The following KCNIP4 variants were observed in gnomAD, a reference collection of about 807,000 sequenced individuals.
The protein encoded by KCNIP4 is Kv channel-interacting protein 4.
A neutral mutation model predicts 34.0 loss-of-function variants in KCNIP4; 12 were observed. The observed-to-expected ratio is 0.35, with a 90% CI of 0.23 to 0.57. The LOEUF is 0.57. KCNIP4 is among the 20% of genes least tolerant of loss of function. The probability of loss-of-function intolerance (pLI) is 0.83; values close to 1 mark genes in which losing one functional copy is unlikely to be tolerated. For synonymous variants in KCNIP4, 124 were observed against 102.2 expected (o/e 1.21, Z -1.29); for missense variants, 238 against 311.7 (o/e 0.76, Z 1.78).
chr4:21,843,850 T>C (rs1723843343), intron 1 of KCNIP4: 1 of 152,128 alleles, frequency 6.6e-6, no homozygotes, highest in Admixed American at 6.6e-5. Context: ...GTAAGTTTTA[T>C]ATTTTATTAC....
intron 1 of KCNIP4, among the ~76,000 whole-genome samples, chr4:21,107,505 G>T (rs368832261): frequency 1.3e-5 from 2 of 150,880 alleles, no homozygotes; most frequent in South Asian, 2.1e-4. Context: ...CTGCACATGA[G>T]ATGGGTTTCC....
At chr4:21,389,631 T>C (rs949922963) in intron 1 of KCNIP4, among the ~76,000 whole-genome samples, 6 of 151,962 alleles carry the variant, frequency 3.9e-5, no homozygotes, top group African/African-American at 1.4e-4. Flanking sequence ...GGCCATGAAC[T>C]CATCCTTTTT....
intron 1 of KCNIP4, among the ~76,000 whole-genome samples, chr4:21,051,496 T>C (rs1353671544): frequency 6.6e-6 from 1 of 152,178 alleles, no homozygotes; most frequent in Non-Finnish European, 1.5e-5. Context: ...GGATTCATAT[T>C]GTAAAAAGAA....
intron 1 of KCNIP4, among the ~76,000 whole-genome samples, chr4:21,213,981 C>A (rs1194259088): frequency 6.6e-6 from 1 of 152,136 alleles, no homozygotes; most frequent in Non-Finnish European, 1.5e-5. Flanking sequence ...TTACAAAGAC[C>A]TGGATTTGAA....
intron 1 of KCNIP4, among the ~76,000 whole-genome samples, chr4:21,862,245 A>G (rs561214602): frequency 8.1e-4 from 123 of 152,278 alleles, no homozygotes; most frequent in African/African-American, 2.8e-3. Context: ...TCTAGTTAGC[A>G]TGCTTAGTGT....
chr4:21,221,259 C>A (rs1757962296), intron 1 of KCNIP4, among the ~76,000 whole-genome samples: 3 of 152,098 alleles, frequency 2.0e-5, no homozygotes. Flanking sequence ...TAGCATAATG[C>A]CTGTTACATA....
intron 1 of KCNIP4, among the ~76,000 whole-genome samples, chr4:21,561,062 G>C (rs996488250): frequency 6.6e-6 from 1 of 152,018 alleles, no homozygotes; most frequent in Non-Finnish European, 1.5e-5. Flanking sequence ...ATTAAATTGC[G>C]TGGGGAAAAA....
chr4:21,333,040 G>A (rs1715812005), intron 1 of KCNIP4, among the ~76,000 whole-genome samples: 1 of 151,970 alleles, frequency 6.6e-6, no homozygotes, highest in South Asian at 2.1e-4. Flanking sequence ...TTTCCCTGAA[G>A]TCCTTTCATT....
chr4:21,013,623 A>G (rs188044916), intron 1 of KCNIP4, among the ~76,000 whole-genome samples: 1 of 152,168 alleles, frequency 6.6e-6, no homozygotes, highest in Admixed American at 6.5e-5. Flanking sequence ...CCTCAAAGGA[A>G]TGTTCATTTC....
chr4:21,629,645 G>A (rs974688102), intron 1 of KCNIP4, among the ~76,000 whole-genome samples: 2 of 152,078 alleles, frequency 1.3e-5, no homozygotes, highest in Non-Finnish European at 2.9e-5. Context: ...TCACCATCAC[G>A]AAGCTAAGTT....
intron 1 of KCNIP4, among the ~76,000 whole-genome samples, chr4:21,039,114 C>T (rs998462373): frequency 6.6e-6 from 1 of 152,134 alleles, no homozygotes; most frequent in African/African-American, 2.4e-5. Flanking sequence ...AATCCCAGCA[C>T]TTTGGGAGGC....
chr4:21,578,560 T>G (rs1259779519), intron 1 of KCNIP4, among the ~76,000 whole-genome samples: 1 of 151,906 alleles, frequency 6.6e-6, no homozygotes, highest in Non-Finnish European at 1.5e-5. Context: ...TTTAAATAAT[T>G]TAAATATGGC....
At chr4:21,304,334 C>T (rs1712186313) in intron 1 of KCNIP4, among the ~76,000 whole-genome samples, 1 of 152,150 alleles carries the variant, frequency 6.6e-6, no homozygotes, top group Non-Finnish European at 1.5e-5. Flanking sequence ...GCAGATCACC[C>T]GAGGACCCAG....
At chr4:21,199,559 G>T (rs773043512) in intron 1 of KCNIP4, among the ~76,000 whole-genome samples, 35 of 152,242 alleles carry the variant, frequency 2.3e-4, no homozygotes, top group Non-Finnish European at 4.1e-4. Context: ...CTGTGCAGAA[G>T]CTCTTTAGTT....
chr4:21,003,618 A>C (rs888749230), intron 1 of KCNIP4, among the ~76,000 whole-genome samples: 9 of 152,210 alleles, frequency 5.9e-5, no homozygotes, highest in African/African-American at 2.2e-4. Context: ...GAAATTTAGA[A>C]CTAGAGAAGC....
intron 1 of KCNIP4, among the ~76,000 whole-genome samples, chr4:21,680,564 T>C (rs924084346): frequency 6.6e-6 from 1 of 152,242 alleles, no homozygotes; most frequent in Non-Finnish European, 1.5e-5. Context: ...GGAATCACTA[T>C]CTATGACAGT....
At chr4:21,062,501 G>C (rs1744007853) in intron 1 of KCNIP4, among the ~76,000 whole-genome samples, 1 of 151,294 alleles carries the variant, frequency 6.6e-6, no homozygotes, top group Non-Finnish European at 1.5e-5. Flanking sequence ...CAGAGAAACA[G>C]AACCAATCAT....
chr4:21,876,769 G>A (rs541520763), intron 1 of KCNIP4, among the ~76,000 whole-genome samples: 1 of 152,096 alleles, frequency 6.6e-6, no homozygotes, highest in Admixed American at 6.5e-5. Flanking sequence ...AAAAGTGAGT[G>A]AAAGTTCAAA....
rs555585102 is a variant in KCNIP4, at chr4:21,396,549, C to CAAAAA, written c.62-513845_62-513841dup. ...CCAGCCTGGTGACAGAGCAAGACTC[C>CAAAAA]AAAAAAAAAAAAAAAAAAAGAGGAT... On this transcript the variant is annotated intron_variant, in intron 1 of 8. Transcript: ENST00000382152. 1.5e-4 allele frequency among the ~76,000 whole-genome samples: 8 copies of CAAAAA among 52,804 alleles called. 2 individuals carry two copies. The highest frequency in any genetic ancestry group is 2.8e-4 in the Admixed American group (1 of 3,580). 34.6% of individuals were successfully genotyped at this position (52,804 alleles called of 152,430 possible). A position where few individuals can be genotyped will look rare whatever the true frequency, so the allele number is the denominator to read the frequency against.
Sources: allele counts gnomAD v4.1 joint callset (sites outside exome capture counted in the v4.1 genomes callset), GRCh38; gene constraint gnomAD v4.1.1; transcripts MANE v1.5; gene names NCBI Gene and HGNC (gene_info 2026-07-23, HGNC 2026-07-21).